Variants in GPR37 observed in about 807,000 individuals in gnomAD.
GPR37 encodes prosaposin receptor GPR37.
In GPR37, 20 loss-of-function variants were observed where a neutral mutation model predicts 43.6. The observed-to-expected ratio is 0.46, with a 90% CI of 0.32 to 0.67. GPR37 has a LOEUF of 0.67. Ranked by LOEUF, GPR37 falls within the 30% of genes least tolerant of loss-of-function variation. The probability of loss-of-function intolerance (pLI) is 0.03; values close to 1 mark genes in which losing one functional copy is unlikely to be tolerated. For missense variants in GPR37, 724 were observed against 797.2 expected, an observed-to-expected ratio of 0.91 and a Z score of 1.11; for synonymous variants, 315 against 322.6, an observed-to-expected ratio of 0.98 and a Z score of 0.25.
chr7:124,764,398 G>A lies in GPR37; in HGVS notation c.579C>T (p.His193=), dbSNP rs745922362. The A allele has an allele frequency of 6.2e-7, 1 of 1,613,652 alleles. No homozygotes were observed. The highest frequency in any genetic ancestry group is 1.1e-5 in the South Asian group (1 of 91,088). ...TGGCCGTCTTGGACAGGGGCTTGTG[G>A]TGGGAACCCTGGAGTTTCCCGGCTC... ...PRRAGKLQGS[H]HKPLSKTANG... Residue 193 remains histidine (H), a synonymous_variant, in exon 1 of 2, where the codon CAC becomes CAT. Coordinates refer to ENST00000303921, the MANE Select transcript of GPR37 (RefSeq NM_005302.5). This position sits in a 1 kb window ranked among gnomAD's most constrained non-coding sequence, Gnocchi z 5.4.
At chr7:124,753,218 G>A (rs1190081511) in intron 1 of GPR37, among the ~76,000 whole-genome samples, 7 of 151,950 alleles carry the variant, frequency 4.6e-5, no homozygotes, top group African/African-American at 9.7e-5. Context: ...AGATACTGGA[G>A]AATGAATACT....
chr7:124,760,713 CA>C (rs1793841693), intron 1 of GPR37, among the ~76,000 whole-genome samples: 1 of 152,132 alleles, frequency 6.6e-6, no homozygotes, highest in Non-Finnish European at 1.5e-5. Context: ...GTCTAATCAG[CA>C]AATATAAACA....
chr7:124,744,754 GAGGC>G lies in GPR37; in HGVS notation c.*1767_*1770del, dbSNP rs1793651291. ...ATCCCTGCCTGATTCTGTAAGGTCT[GAGGC>G]TGTGACCTATTTACCTTTAGTTACT... On this transcript the variant is annotated 3_prime_UTR_variant, in exon 2 of 2. Transcript: ENST00000303921. 6.6e-6 allele frequency: 1 copy of G among 152,168 alleles called. No individual in the cohort carries two copies. Among genetic ancestry groups the G allele is most frequent in the South Asian group, 2.1e-4 (1 of 4,826 alleles). The allele number at this position is 152,168 out of a possible 1,614,324, so 9.4% of individuals were successfully genotyped here.
Position 124,765,031 on chromosome 7 carries a change from C to T in GPR37, c.-55G>A. The T allele has an allele frequency of 7.1e-7, 1 of 1,404,968 alleles. No individual in the cohort carries two copies. The highest frequency in any genetic ancestry group is 9.3e-7 in the Non-Finnish European group (1 of 1,077,142). 87.0% of individuals were successfully genotyped at this position (1,404,968 alleles called of 1,614,324 possible). ...AGCTCCTGCTTAGTTAGGATCGACA[C>T]CTGCTGCCGAAGTTGCTGCTGAGAG... On this transcript the variant is annotated 5_prime_UTR_variant, in exon 1 of 2. In the 5' UTR this introduces an upstream ATG that the reference lacks. Coordinates refer to ENST00000303921, the MANE Select transcript of GPR37 (RefSeq NM_005302.5).
intron 1 of GPR37, among the ~76,000 whole-genome samples, chr7:124,752,494 A>G (rs1793744773): frequency 2.0e-5 from 3 of 152,266 alleles, no homozygotes; most frequent in South Asian, 2.1e-4. Flanking sequence ...CTAGGCAGAG[A>G]GGATTGACTA....
At chr7:124,748,530 GA>G (rs1793697982) in intron 1 of GPR37, among the ~76,000 whole-genome samples, 1 of 152,000 alleles carries the variant, frequency 6.6e-6, no homozygotes, top group African/African-American at 2.4e-5. Context: ...GAGCCACTAT[GA>G]ATTTATATGC....
chr7:124,764,270 C>A lies in GPR37; in HGVS notation c.707G>T (p.Arg236Leu). ...GEGIHEPGGPRRGNSTNRRVR... is the reference protein window; with the variant it reads ...GEGIHEPGGPLRGNSTNRRVR... Reference sequence around the variant, plus strand: ...ACGCCGGTTCGTGCTGTTTCCCCGGCGGGGACCCCCAGGCTCATGGATTCC... The same window carrying A: ...ACGCCGGTTCGTGCTGTTTCCCCGGAGGGGACCCCCAGGCTCATGGATTCC... The change falls in exon 1 of 2, where the codon CGC (arginine) becomes CTC (leucine). Residue 236 changes from arginine to leucine, a missense_variant. Arg to Leu is a moderately radical substitution (Grantham distance 102, BLOSUM62 -2). Around this residue, in one of 2 missense-constraint regions of GPR37, gnomAD observed 382 missense variants for 355.4 expected, o/e 1.07. Coordinates refer to ENST00000303921, the MANE Select transcript of GPR37 (RefSeq NM_005302.5). The surrounding 1 kb of genome is among the most constrained non-coding windows in gnomAD (Gnocchi z 5.4). 6.3e-7 allele frequency: 1 copy of A among 1,598,272 alleles called. No individual in the cohort carries two copies.
At chr7:124,755,184 G>A (rs1793778209) in intron 1 of GPR37, among the ~76,000 whole-genome samples, 1 of 152,110 alleles carries the variant, frequency 6.6e-6, no homozygotes, top group Admixed American at 6.5e-5. Context: ...GGCAGCCACT[G>A]TTCCACAGTC....
chr7:124,762,353 T>C (rs573550198), intron 1 of GPR37, among the ~76,000 whole-genome samples: 7 of 152,192 alleles, frequency 4.6e-5, no homozygotes, highest in South Asian at 4.2e-4. Context: ...TTCCCTCTAG[T>C]GTATACAGAT....
intron 1 of GPR37, among the ~76,000 whole-genome samples, chr7:124,748,244 T>C (rs980097869): frequency 6.6e-6 from 1 of 152,046 alleles, no homozygotes; most frequent in Non-Finnish European, 1.5e-5. Flanking sequence ...ATGACAGGGT[T>C]TGGGTCTGGA....
intron 1 of GPR37, among the ~76,000 whole-genome samples, chr7:124,752,145 A>G (rs1793741417): frequency 6.6e-6 from 1 of 152,100 alleles, no homozygotes; most frequent in African/African-American, 2.4e-5. Flanking sequence ...CCACATGTGG[A>G]GCAGTGAGGC....
In GPR37 at chr7:124,743,970, G is replaced by C. The variant is rs925407279; in HGVS notation, c.*2555C>G. The stretch of plus-strand genomic sequence containing the variant: ...AACAATTTTTTAAAAGTATATTATA[G>C]AAATTGGTTTTTGTGAAAAACACAA... On this transcript the variant is annotated 3_prime_UTR_variant, in exon 2 of 2. Coordinates refer to ENST00000303921, the MANE Select transcript of GPR37 (RefSeq NM_005302.5). The C allele has an allele frequency of 1.3e-5, 2 of 149,766 alleles. No homozygotes were observed. The highest frequency in any genetic ancestry group is 4.9e-5 in the African/African-American group (2 of 40,606). 9.3% of individuals were successfully genotyped at this position (149,766 alleles called of 1,614,324 possible).
At chr7:124,763,254 G>A (rs971015835) in intron 1 of GPR37, among the ~76,000 whole-genome samples, 15 of 152,036 alleles carry the variant, frequency 9.9e-5, no homozygotes, top group South Asian at 4.1e-4. Flanking sequence ...TATGTGCCAC[G>A]CTGGCCAAAG....
At chr7:124,750,391 A>G (rs1364688326) in intron 1 of GPR37, among the ~76,000 whole-genome samples, 1 of 152,136 alleles carries the variant, frequency 6.6e-6, no homozygotes, top group Non-Finnish European at 1.5e-5. Context: ...AGTTTATGCT[A>G]TACATCCTTT....
Position 124,744,750 on chromosome 7 carries a change from GTCT to G in GPR37, c.*1772_*1774del, listed in dbSNP as rs1793651249. ...TGTCATCCCTGCCTGATTCTGTAAG[GTCT>G]GAGGCTGTGACCTATTTACCTTTAG... On this transcript the variant is annotated 3_prime_UTR_variant, in exon 2 of 2. Coordinates refer to ENST00000303921, the MANE Select transcript of GPR37 (RefSeq NM_005302.5). The G allele has an allele frequency of 6.6e-6, 1 of 152,108 alleles. No homozygotes were observed. The highest frequency in any genetic ancestry group is 2.1e-4 in the South Asian group (1 of 4,828). 9.4% of individuals were successfully genotyped at this position (152,108 alleles called of 1,614,324 possible). A position where few individuals can be genotyped will look rare whatever the true frequency, so the allele number is the denominator to read the frequency against.
intron 1 of GPR37, among the ~76,000 whole-genome samples, chr7:124,757,165 T>C (rs1793801541): frequency 6.6e-6 from 1 of 152,218 alleles, no homozygotes; most frequent in South Asian, 2.1e-4. Context: ...TTGTCCATCT[T>C]CTTTCTTAGG....
rs775727862 is a variant in GPR37, at chr7:124,764,966, G to A, written c.11C>T (p.Pro4Leu). 1.3e-6 allele frequency: 2 copies of A among 1,486,406 alleles called. No individual in the cohort carries two copies. Among genetic ancestry groups the A allele is most frequent in the Admixed American group, 2.2e-5 (1 of 44,624 alleles). 92.1% of individuals were successfully genotyped at this position (1,486,406 alleles called of 1,614,324 possible). A position where few individuals can be genotyped will look rare whatever the true frequency, so the allele number is the denominator to read the frequency against. MRA[P>L]GALLARMSRL... is the part of the protein sequence containing the mutation. ...CGACATGCGGGCGAGAAGCGCGCCC[G>A]GGGCTCGCATGGCTTGGTGAGGGCA... The change falls in exon 1 of 2, where the codon CCG becomes CTG. Residue 4 changes from proline (P) to leucine (L), a missense_variant. Around this residue, in one of 2 missense-constraint regions of GPR37, gnomAD observed 382 missense variants for 355.4 expected, o/e 1.07. Transcript: ENST00000303921. This position sits in a 1 kb window ranked among gnomAD's most constrained non-coding sequence, Gnocchi z 5.4.
chr7:124,759,446 A>G (rs1469948951), intron 1 of GPR37, among the ~76,000 whole-genome samples: 1 of 152,178 alleles, frequency 6.6e-6, no homozygotes, highest in East Asian at 1.9e-4. Context: ...CCATTCTCCT[A>G]TTGCAATCCA....
chr7:124,746,520 G>A lies in GPR37; in HGVS notation c.*5C>T. 6.3e-7 allele frequency: 1 copy of A among 1,580,374 alleles called. No homozygotes were observed. The highest frequency in any genetic ancestry group is 8.6e-7 in the Non-Finnish European group (1 of 1,161,038). ...AATAAATCTGACCCAACCAAGTACT[G>A]TCCTTCAGCAATGAGTTCCGACAGA... On this transcript the variant is annotated 3_prime_UTR_variant, in exon 2 of 2. Transcript: ENST00000303921.
Sources: allele counts gnomAD v4.1 joint callset (sites outside exome capture counted in the v4.1 genomes callset), GRCh38; gene constraint gnomAD v4.1.1; regional missense constraint gnomAD v4.1.1; non-coding constraint Gnocchi (gnomAD v3.1); transcripts MANE v1.5; gene names NCBI Gene and HGNC (gene_info 2026-07-23, HGNC 2026-07-21).